Variants in ARMC2 observed in about 807,000 individuals in gnomAD.
ARMC2 encodes the protein armadillo repeat containing 2.
A neutral mutation model predicts 90.3 loss-of-function variants in ARMC2; 67 were observed. The ratio of observed to expected loss-of-function variants is 0.74; its 90% CI spans 0.61 to 0.91. The LOEUF (loss-of-function observed/expected upper bound fraction) is 0.91, where lower values mean the gene tolerates loss of function less well. ARMC2 is among the 40% of genes least tolerant of loss of function. ARMC2 has a pLI of 0.00. For missense variants in ARMC2, 920 were observed against 1,030.9 expected (o/e 0.89, Z 1.47); for synonymous variants, 393 against 393.0 (o/e 1.00, Z 0.00).
At chr6:108,927,227 C>G (rs758671330) in intron 10 of ARMC2, among the ~76,000 whole-genome samples, 53 of 152,038 alleles carry the variant, frequency 3.5e-4, no homozygotes, top group Non-Finnish European at 6.8e-4. Context: ...AGTGGCTGCC[C>G]CTGGGCACTT....
intron 12 of ARMC2, among the ~76,000 whole-genome samples, chr6:108,937,451 A>C (rs1429419183): frequency 2.0e-5 from 3 of 152,112 alleles, no homozygotes; most frequent in African/African-American, 7.2e-5. Flanking sequence ...TCTGATGCAA[A>C]TTAAGGTTTG....
At chr6:108,967,629 G>A (rs1318441222) in intron 17 of ARMC2, among the ~76,000 whole-genome samples, 5 of 152,198 alleles carry the variant, frequency 3.3e-5, no homozygotes, top group African/African-American at 7.2e-5. Context: ...TCCTGCACAC[G>A]TTAAACCATC....
chr6:109,044,490 A>T, the ARMC2 span, among the ~76,000 whole-genome samples: 1 of 152,080 alleles, frequency 6.6e-6, no homozygotes, highest in Non-Finnish European at 1.5e-5. Flanking sequence ...CTTAACAAAA[A>T]GTAACTCAAA....
At chr6:108,987,776 AG>A in the ARMC2 span, 1 of 463,270 alleles carries the variant, frequency 2.2e-6, no homozygotes, top group African/African-American at 2.0e-5. Flanking sequence ...TTTGTTGAAC[AG>A]ATTATAAATT....
At chr6:108,948,918 A>T (rs1776986913) in intron 12 of ARMC2, among the ~76,000 whole-genome samples, 1 of 152,132 alleles carries the variant, frequency 6.6e-6, no homozygotes, top group Non-Finnish European at 1.5e-5. Flanking sequence ...AATCCTGGCA[A>T]ATCAACACGG....
chr6:109,006,249 G>C, the ARMC2 span, among the ~76,000 whole-genome samples: 1 of 152,036 alleles, frequency 6.6e-6, no homozygotes, highest in Non-Finnish European at 1.5e-5. Context: ...TATGAAGCAG[G>C]TACTATTATT....
the ARMC2 span, among the ~76,000 whole-genome samples, chr6:109,046,696 G>A: frequency 5.9e-5 from 8 of 136,150 alleles, no homozygotes; most frequent in African/African-American, 1.4e-4. Flanking sequence ...CTGCCCGGCC[G>A]CCCATCGTCT....
chr6:108,889,728 C>T (rs1469413951), intron 5 of ARMC2, among the ~76,000 whole-genome samples: 4 of 151,714 alleles, frequency 2.6e-5, no homozygotes, highest in Non-Finnish European at 2.9e-5. Context: ...GCATTACAGT[C>T]GTGAGCCACC....
At chr6:108,917,368 T>A (rs1245159626) in intron 10 of ARMC2, among the ~76,000 whole-genome samples, 1 of 152,114 alleles carries the variant, frequency 6.6e-6, no homozygotes, top group African/African-American at 2.4e-5. Flanking sequence ...TTTTTCTAAA[T>A]GGAAGTCTCT....
At chr6:108,990,316 G>C in the ARMC2 span, among the ~76,000 whole-genome samples, 2 of 152,222 alleles carry the variant, frequency 1.3e-5, no homozygotes, top group Non-Finnish European at 2.9e-5. Flanking sequence ...TGTATCAAGA[G>C]ATAGATTATA....
the ARMC2 span, among the ~76,000 whole-genome samples, chr6:108,980,408 C>T: frequency 1.3e-5 from 2 of 152,032 alleles, no homozygotes; most frequent in Admixed American, 1.3e-4. Context: ...CAGAGCTCTC[C>T]CGTATGAAGT....
intron 8 of ARMC2, 128 bp from the exon 9 acceptor site, chr6:108,910,771 A>C (rs1242364514): frequency 4.5e-6 from 2 of 440,182 alleles, no homozygotes; most frequent in Non-Finnish European, 7.3e-6. Context: ...TTCAAAGTTG[A>C]TTTCTTTAGA....
At chr6:109,021,564 A>G in the ARMC2 span, among the ~76,000 whole-genome samples, 7 of 151,890 alleles carry the variant, frequency 4.6e-5, no homozygotes, top group African/African-American at 1.5e-4. Flanking sequence ...CAGCCTCGCA[A>G]TTAGCTGGGA....
chr6:108,945,581 G>C (rs144109578), intron 12 of ARMC2, among the ~76,000 whole-genome samples: 1 of 152,232 alleles, frequency 6.6e-6, no homozygotes, highest in Non-Finnish European at 1.5e-5. Flanking sequence ...GGAACTGCCA[G>C]ACTCATTCTT....
chr6:108,899,764 TG>T lies in ARMC2; in HGVS notation c.820del (p.Val274TyrfsTer7), dbSNP rs752868806. ...VDEVFWNTRI[V>X]PILRELEKEE... ...ACGAAGTCTTTTGGAATACAAGGAT[TG>T]TACCGATTTTGCGTGAATTAGAAAA... is the stretch of plus-strand genomic sequence containing the variant. On this transcript the variant is annotated frameshift_variant, in exon 7 of 18. Transcript: ENST00000392644. LOFTEE classifies it high-confidence loss of function. 2.5e-6 allele frequency: 4 copies of T among 1,613,342 alleles called. No homozygotes were observed. The highest frequency in any genetic ancestry group is 3.4e-6 in the Non-Finnish European group (4 of 1,179,672).
intron 11 of ARMC2, among the ~76,000 whole-genome samples, chr6:108,933,460 T>C (rs1305754074): frequency 6.6e-6 from 1 of 152,176 alleles, no homozygotes; most frequent in East Asian, 1.9e-4. Flanking sequence ...TGAAGGAGGT[T>C]TTGGGCTGAG....
In ARMC2 at chr6:108,854,436, G is replaced by T. The variant is rs371814066; in HGVS notation, c.169G>T (p.Gly57Ter). The T allele has an allele frequency of 1.9e-6, 3 of 1,613,342 alleles. No homozygotes were observed. The highest frequency in any genetic ancestry group is 2.5e-6 in the Non-Finnish European group (3 of 1,179,812). Residue 57 changes from glycine (G) to a stop codon, truncating the protein, a stop_gained, in exon 2 of 18, where the codon GGA becomes TGA. Transcript: ENST00000392644. LOFTEE classifies it high-confidence loss of function. ...ACAGGAGGCTCAAAGAAAACTATTC[G>T]GACCTGCATCCTCAAGAACATCAGA... ...TPQEAQRKLF[G>*]PASSRTSENR... is the part of the protein sequence containing the mutation.
At chr6:108,929,273 A>G (rs376284348) in intron 11 of ARMC2, among the ~76,000 whole-genome samples, 50 of 152,182 alleles carry the variant, frequency 3.3e-4, no homozygotes, top group African/African-American at 1.1e-3. Context: ...GTCCAACTTC[A>G]TATTTTTCCC....
intron 6 of ARMC2, among the ~76,000 whole-genome samples, chr6:108,899,022 A>T (rs1771875718): frequency 1.3e-5 from 2 of 152,322 alleles, no homozygotes; most frequent in African/African-American, 4.8e-5. Flanking sequence ...CTGAGCTCAG[A>T]GCTTTACCTA....
Sources: allele counts gnomAD v4.1 joint callset (sites outside exome capture counted in the v4.1 genomes callset), GRCh38; gene constraint gnomAD v4.1.1; transcripts MANE v1.5; gene names NCBI Gene and HGNC (gene_info 2026-07-23, HGNC 2026-07-21).